The following ALG6 variants were observed in gnomAD, a reference collection of about 807,000 sequenced individuals.
ALG6 encodes ALG6 alpha-1,3-glucosyltransferase.
Under a neutral mutation model 66.6 loss-of-function variants are expected in ALG6, and 46 were observed. The observed-to-expected ratio is 0.69, with a 90% confidence interval of 0.55 to 0.88. The LOEUF (loss-of-function observed/expected upper bound fraction) is 0.88. Among genes scored for constraint, ALG6 ranks in the 40% least tolerant of loss-of-function variants. ALG6 has a pLI of 0.00. For synonymous variants in ALG6, 185 were observed against 203.7 expected (o/e 0.91, Z 0.78); for missense variants, 505 against 586.8 (o/e 0.86, Z 1.44).
At position 63,407,102 on chromosome 1, in the gene ALG6, T is replaced by G. The variant is rs768049817; in HGVS notation, c.470T>G (p.Ile157Ser). ...ALCILLYPGL[I>S]LIDYGHFQYN... The stretch of plus-strand genomic sequence containing the variant: ...TGCATCTTGCTGTATCCAGGCCTTA[T>G]TCTTATAGACTATGGACATTTTCAG... Residue 157 changes from isoleucine to serine, a missense_variant, in exon 7 of 15, where the codon ATT (isoleucine) becomes AGT (serine). Coordinates refer to ENST00000263440, the MANE Select transcript of ALG6 (RefSeq NM_013339.4). 16 of 1,609,012 alleles carry G rather than the reference T, an allele frequency of 9.9e-6. No individual in the cohort carries two copies. The highest frequency in any genetic ancestry group is 1.3e-5 in the Non-Finnish European group (15 of 1,175,962).
intron 14 of ALG6, 58 bp from the exon 15 acceptor site, chr1:63,436,765 T>A: frequency 1.3e-6 from 2 of 1,515,756 alleles, no homozygotes; most frequent in Non-Finnish European, 1.8e-6. Flanking sequence ...AGTCAATGTT[T>A]CCAGCACATT....
chr1:63,391,526 T>C (rs934017993), intron 2 of ALG6, among the ~76,000 whole-genome samples: 1 of 152,216 alleles, frequency 6.6e-6, no homozygotes, highest in Non-Finnish European at 1.5e-5. Flanking sequence ...ATGAGGATTT[T>C]ATGATCTGCT....
intron 2 of ALG6, among the ~76,000 whole-genome samples, chr1:63,383,761 C>G (rs1322252409): frequency 1.3e-5 from 2 of 152,146 alleles, no homozygotes; most frequent in Non-Finnish European, 2.9e-5. Context: ...CTATCAAATA[C>G]TAGATCTTAT....
chr1:63,429,268 T>C (rs1644633271), intron 14 of ALG6, 142 bp downstream of exon 14: 2 of 656,766 alleles, frequency 3.0e-6, no homozygotes, highest in South Asian at 2.0e-5. Context: ...CTTAGTGGTT[T>C]TAAGTATGTA....
At chr1:63,420,735 C>T (rs1465906819) in intron 12 of ALG6, among the ~76,000 whole-genome samples, 1 of 151,716 alleles carries the variant, frequency 6.6e-6, no homozygotes, top group African/African-American at 2.4e-5. Flanking sequence ...GTGGCGGGCA[C>T]CTGTAATCCC....
At chr1:63,411,399 C>T in intron 8 of ALG6, 68 bp downstream of exon 8, 4 of 1,401,836 alleles carry the variant, frequency 2.9e-6, no homozygotes, top group Non-Finnish European at 4.0e-6. Context: ...TACTTACTTG[C>T]AGTAAGATGA....
In ALG6 at chr1:63,419,811, A is replaced by G. The variant is rs1262988087; in HGVS notation, c.1058+371A>G. Among the ~76,000 whole-genome samples the G allele has an allele frequency of 5.9e-5, 9 of 151,582 alleles. 1 individual carries two copies. Among genetic ancestry groups the G allele is most frequent in the Admixed American group, 5.9e-4 (9 of 15,200 alleles). On this transcript the variant is annotated intron_variant, in intron 12 of 14. Transcript: ENST00000263440. ...TTCGGTAGCCTTCTTCTTTCCATTT[A>G]CTTCCATGGGGTCTTTTGTATGTTG...
intron 3 of ALG6, among the ~76,000 whole-genome samples, chr1:63,400,773 G>A (rs1471903813): frequency 6.6e-6 from 1 of 152,140 alleles, no homozygotes; most frequent in African/African-American, 2.4e-5. Context: ...TAGTTGTTTT[G>A]TGGCTAGTAG....
At chr1:63,422,377 GTA>G (rs1644588415) in intron 12 of ALG6, among the ~76,000 whole-genome samples, 2 of 70,434 alleles carry the variant, frequency 2.8e-5, no homozygotes, top group Admixed American at 3.4e-4. Flanking sequence ...ATATATATAA[GTA>G]TAAATATATA....
chr1:63,390,337 C>A (rs1052023090), intron 2 of ALG6, among the ~76,000 whole-genome samples: 2 of 152,180 alleles, frequency 1.3e-5, no homozygotes, highest in Non-Finnish European at 2.9e-5. Context: ...ATGTGGGCCT[C>A]AGGACTCTGC....
intron 2 of ALG6, among the ~76,000 whole-genome samples, chr1:63,389,222 C>A (rs1259882136): frequency 6.6e-6 from 1 of 152,032 alleles, no homozygotes; most frequent in Non-Finnish European, 1.5e-5. Context: ...TAGATTTGTC[C>A]ATTTGAGGCT....
intron 14 of ALG6, among the ~76,000 whole-genome samples, chr1:63,435,311 CTTTTA>C (rs1644672301): frequency 6.6e-6 from 1 of 152,184 alleles, no homozygotes; most frequent in Non-Finnish European, 1.5e-5. Context: ...AAGTTTGAAA[CTTTTA>C]TTTTAAAGAT....
intron 8 of ALG6, 67 bp downstream of exon 8, chr1:63,411,398 G>T: frequency 7.1e-7 from 1 of 1,404,354 alleles, no homozygotes; most frequent in Non-Finnish European, 9.9e-7. Flanking sequence ...ATACTTACTT[G>T]CAGTAAGATG....
At chr1:63,422,126 AATAAATATATAAAT>A (rs1557594739) in intron 12 of ALG6, among the ~76,000 whole-genome samples, 3 of 74,354 alleles carry the variant, frequency 4.0e-5, no homozygotes, top group Non-Finnish European at 7.4e-5. Context: ...TAAATATATA[AATAAATATATAAAT>A]ATATATAAAT....
chr1:63,413,075 G>T (rs1474603381), intron 9 of ALG6, among the ~76,000 whole-genome samples: 1 of 152,096 alleles, frequency 6.6e-6, no homozygotes, highest in Non-Finnish European at 1.5e-5. Context: ...CACTTAGCAG[G>T]TGCCAGACAC....
At chr1:63,419,575 G>A in intron 12 of ALG6, 135 bp downstream of exon 12, 1 of 703,600 alleles carries the variant, frequency 1.4e-6, no homozygotes, top group Non-Finnish European at 2.2e-6. Context: ...TCATAGTCAG[G>A]TTTTTTTCCA....
chr1:63,388,778 C>T (rs886890926), intron 2 of ALG6, among the ~76,000 whole-genome samples: 1 of 152,170 alleles, frequency 6.6e-6, no homozygotes, highest in South Asian at 2.1e-4. Flanking sequence ...AATCCCTCAG[C>T]GTTTTTGTCT....
At position 63,411,957 on chromosome 1, in the gene ALG6, GT is replaced by G; in HGVS notation, c.714del (p.Val239TrpfsTer22). Reference sequence around the variant, plus strand: ...GTTGCTAGTTAAGCTAGCTTGTATTGTTGTGGCTTCCTTCGTTCTCTGCTGG... The same window carrying G: ...GTTGCTAGTTAAGCTAGCTTGTATTGTGTGGCTTCCTTCGTTCTCTGCTGG... ...FVLLVKLACIVVASFVLCWLP... is the reference protein window; with the variant it reads ...FVLLVKLACIXVASFVLCWLP... On this transcript the variant is annotated frameshift_variant, in exon 9 of 15. Transcript: ENST00000263440. LOFTEE classifies it high-confidence loss of function. 1.2e-6 allele frequency: 2 copies of G among 1,614,048 alleles called. No homozygotes were observed. The highest frequency in any genetic ancestry group is 2.2e-5 in the South Asian group (2 of 91,078).
chr1:63,383,360 T>A (rs1298321208), intron 2 of ALG6, among the ~76,000 whole-genome samples: 1 of 149,864 alleles, frequency 6.7e-6, no homozygotes, highest in African/African-American at 2.5e-5. Context: ...CCTGGCGATC[T>A]GCCCACCTTG....
Sources: gnomAD v4.1 joint callset for allele counts (sites outside exome capture counted in the v4.1 genomes callset) on GRCh38, gnomAD v4.1.1 for gene constraint, MANE v1.5 for transcripts, NCBI Gene and HGNC (gene_info 2026-07-23, HGNC 2026-07-21) for gene names.